Variants in PARN observed in about 807,000 individuals in gnomAD.
PARN encodes poly(A)-specific ribonuclease PARN.
Under a neutral mutation model 102.8 loss-of-function variants are expected in PARN, and 71 were observed. The observed-to-expected ratio is 0.69, with a 90% CI of 0.57 to 0.84. The LOEUF (loss-of-function observed/expected upper bound fraction) is 0.84. Ranked by LOEUF, PARN falls within the 40% of genes least tolerant of loss-of-function variation. The probability of loss-of-function intolerance (pLI) is 0.00; values close to 1 mark genes in which losing one functional copy is unlikely to be tolerated. For missense variants in PARN, 782 were observed against 760.9 expected (o/e 1.03, Z -0.33); for synonymous variants, 261 against 252.9 (o/e 1.03, Z -0.30).
intron 21 of PARN, among the ~76,000 whole-genome samples, chr16:14,532,762 A>AC (rs1194635487): frequency 2.9e-5 from 4 of 139,272 alleles, no homozygotes; most frequent in East Asian, 4.3e-4. Context: ...TGGGGGGCTG[A>AC]CCCCCCCACC....
chr16:14,573,588 C>T (rs188931049), intron 18 of PARN, among the ~76,000 whole-genome samples: 7 of 152,326 alleles, frequency 4.6e-5, no homozygotes, highest in Admixed American at 2.0e-4. Context: ...GAAGATGATA[C>T]GCTTTGGCTA....
At chr16:14,465,738 G>T (rs1208758570) in intron 22 of PARN, among the ~76,000 whole-genome samples, 1 of 152,164 alleles carries the variant, frequency 6.6e-6, no homozygotes. Context: ...AGAGAACAAA[G>T]TTGGAGGAAG....
intron 21 of PARN, among the ~76,000 whole-genome samples, chr16:14,528,988 C>A (rs745924189): frequency 6.6e-6 from 1 of 152,110 alleles, no homozygotes; most frequent in Non-Finnish European, 1.5e-5. Context: ...AAACTTCTCT[C>A]ATCTCTAGTC....
chr16:14,459,405 A>C (rs185174005), intron 22 of PARN, among the ~76,000 whole-genome samples: 4 of 152,366 alleles, frequency 2.6e-5, no homozygotes, highest in Non-Finnish European at 4.4e-5. Flanking sequence ...GAACTTTAAA[A>C]ATATATGACT....
chr16:14,446,681 C>A (rs909144706), intron 23 of PARN, among the ~76,000 whole-genome samples: 1 of 151,990 alleles, frequency 6.6e-6, no homozygotes, highest in African/African-American at 2.4e-5. Context: ...ACAAGGAGAC[C>A]CCCCAGGCCT....
chr16:14,498,249 A>C (rs1008645428), intron 21 of PARN, among the ~76,000 whole-genome samples: 5 of 152,134 alleles, frequency 3.3e-5, no homozygotes, highest in African/African-American at 4.8e-5. Context: ...AGCCAGGCAG[A>C]GCTGAGCTAG....
chr16:14,529,279 T>C (rs894056586), intron 21 of PARN, among the ~76,000 whole-genome samples: 4 of 152,136 alleles, frequency 2.6e-5, no homozygotes, highest in Non-Finnish European at 4.4e-5. Flanking sequence ...GTTGGAAAGG[T>C]AGATTGGTTG....
At chr16:14,469,626 C>G (rs1335096833) in intron 22 of PARN, among the ~76,000 whole-genome samples, 4 of 152,052 alleles carry the variant, frequency 2.6e-5, no homozygotes, top group Non-Finnish European at 4.4e-5. Context: ...CATCCACCAA[C>G]CTCCCCTAAA....
At chr16:14,588,354 C>T (rs1483044963) in intron 13 of PARN, among the ~76,000 whole-genome samples, 1 of 152,166 alleles carries the variant, frequency 6.6e-6, no homozygotes, top group Non-Finnish European at 1.5e-5. Context: ...AAATAGTCAA[C>T]TGCCTAGAAA....
In PARN at chr16:14,579,621, TACTGCAGA is replaced by T. The variant is rs1025341499; in HGVS notation, c.1262+1245_1262+1252del. 3.8e-4 allele frequency among the ~76,000 whole-genome samples: 57 copies of T among 151,826 alleles called. 1 individual carries two copies. The highest frequency in any genetic ancestry group is 3.0e-3 in the Admixed American group (45 of 15,218). On this transcript the variant is annotated intron_variant, in intron 18 of 23. Coordinates refer to ENST00000437198, the MANE Select transcript of PARN (RefSeq NM_002582.4). Reference sequence around the variant, plus strand: ...GAGTCAACATCTCTCAGTTGAAAAATACTGCAGAACAATGAATTTAACATCAAGTACAT... The same window carrying T: ...GAGTCAACATCTCTCAGTTGAAAAATACAATGAATTTAACATCAAGTACAT...
chr16:14,579,047 T>C (rs79964179), intron 18 of PARN, among the ~76,000 whole-genome samples: 2 of 151,946 alleles, frequency 1.3e-5, no homozygotes, highest in Non-Finnish European at 2.9e-5. Flanking sequence ...AGTGCAGTGG[T>C]GTGATCTTGG....
intron 18 of PARN, among the ~76,000 whole-genome samples, chr16:14,568,644 C>T (rs1018023527): frequency 6.6e-6 from 1 of 151,860 alleles, no homozygotes; most frequent in Admixed American, 6.6e-5. Context: ...GCACGGTGGC[C>T]CACGTCTGTA....
At chr16:14,570,593 T>A (rs2151733607) in intron 18 of PARN, among the ~76,000 whole-genome samples, 1 of 146,528 alleles carries the variant, frequency 6.8e-6, no homozygotes, top group East Asian at 2.0e-4. Flanking sequence ...GAGGTTGCAG[T>A]GAACAAAGAT....
intron 21 of PARN, among the ~76,000 whole-genome samples, chr16:14,516,909 A>T (rs371750773): frequency 3.9e-5 from 6 of 152,360 alleles, no homozygotes; most frequent in Middle Eastern, 3.4e-3. Context: ...GACAGAATGA[A>T]GAGGGCACAC....
chr16:14,580,474 G>A (rs1377856492), intron 18 of PARN, among the ~76,000 whole-genome samples: 6 of 151,756 alleles, frequency 4.0e-5, no homozygotes, highest in Admixed American at 2.0e-4. Context: ...TTTTAATAGA[G>A]ACGAGTTTCA....
At chr16:14,464,573 T>C (rs1273252436) in intron 22 of PARN, among the ~76,000 whole-genome samples, 1 of 152,044 alleles carries the variant, frequency 6.6e-6, no homozygotes, top group African/African-American at 2.4e-5. Flanking sequence ...CTGGCCAACA[T>C]GGCAAAACCC....
intron 13 of PARN, among the ~76,000 whole-genome samples, chr16:14,592,657 C>T (rs1162115625): frequency 6.6e-6 from 1 of 152,192 alleles, no homozygotes; most frequent in Non-Finnish European, 1.5e-5. Flanking sequence ...ACTGGACCCA[C>T]TTCAGCTGCC....
rs1970313336 is a variant in PARN, at chr16:14,593,380, TAAAG to T, written c.841-6_841-3del. On this transcript the variant is annotated splice_region_variant and splice_polypyrimidine_tract_variant and intron_variant, in intron 12 of 23. Coordinates refer to ENST00000437198, the MANE Select transcript of PARN (RefSeq NM_002582.4). ...ATTGTGTCCAATAACAAGTTTTCCCTAAAGAAAGTCAAGGTTAGAAAAAAGACTT... is the reference window on the plus strand; with the variant it reads ...ATTGTGTCCAATAACAAGTTTTCCCTAAAGTCAAGGTTAGAAAAAAGACTT... 6 of 1,564,186 alleles carry T rather than the reference TAAAG, an allele frequency of 3.8e-6. No homozygotes were observed. Among genetic ancestry groups the T allele is most frequent in the Non-Finnish European group, 5.3e-6 (6 of 1,138,762 alleles).
intron 22 of PARN, among the ~76,000 whole-genome samples, chr16:14,457,227 TACTAG>T (rs1311283081): frequency 6.6e-6 from 1 of 152,210 alleles, no homozygotes; most frequent in African/African-American, 2.4e-5. Flanking sequence ...GCACATTCCC[TACTAG>T]ATGTAGCTAA....
Sources: allele counts gnomAD v4.1 joint callset (sites outside exome capture counted in the v4.1 genomes callset), GRCh38; gene constraint gnomAD v4.1.1; transcripts MANE v1.5; gene names NCBI Gene and HGNC (gene_info 2026-07-23, HGNC 2026-07-21).